PCDH15: variants seen among roughly 807,000 people sequenced by gnomAD.
PCDH15 encodes the protein protocadherin-15.
A neutral mutation model predicts 178.5 loss-of-function variants in PCDH15; 129 were observed. The ratio of observed to expected loss-of-function variants is 0.72; its 90% CI spans 0.63 to 0.84. PCDH15 has a LOEUF of 0.84. PCDH15 is among the 40% of genes least tolerant of loss of function. PCDH15 has a pLI of 0.00. For synonymous variants in PCDH15, 800 were observed against 732.0 expected (o/e 1.09, Z -1.50); for missense variants, 2,230 against 2,099.9 (o/e 1.06, Z -1.21).
At chr10:53,900,220 TC>T (rs1229827157) in intron 26 of PCDH15, among the ~76,000 whole-genome samples, 1 of 151,694 alleles carries the variant, frequency 6.6e-6, no homozygotes, top group African/African-American at 2.4e-5. Flanking sequence ...TCTCTCTCTC[TC>T]TCTCTCTCTC....
At chr10:54,822,244 C>G (rs1167362639) in intron 3 of PCDH15, among the ~76,000 whole-genome samples, 3 of 152,094 alleles carry the variant, frequency 2.0e-5, no homozygotes, top group South Asian at 2.1e-4. Context: ...GTGTCACTGT[C>G]CTATTCCTTT....
At chr10:54,990,993 G>C (rs1022073661) in intron 2 of PCDH15, among the ~76,000 whole-genome samples, 1 of 151,742 alleles carries the variant, frequency 6.6e-6, no homozygotes, top group Non-Finnish European at 1.5e-5. Flanking sequence ...CTAATTCCTA[G>C]TAATAATCAT....
chr10:54,421,816 G>GTATATA (rs71185272), intron 3 of PCDH15, among the ~76,000 whole-genome samples: 3 of 107,990 alleles, frequency 2.8e-5, no homozygotes, highest in Non-Finnish European at 5.4e-5. Context: ...TGTAGTGTGT[G>GTATATA]TATATATATA....
chr10:54,537,652 G>A (rs2084729956), intron 2 of PCDH15, among the ~76,000 whole-genome samples: 2 of 152,020 alleles, frequency 1.3e-5, no homozygotes, highest in African/African-American at 4.8e-5. Context: ...TTATCACATG[G>A]ACAAAATTAA....
At chr10:55,412,224 T>C (rs1589001471) in intron 2 of PCDH15, among the ~76,000 whole-genome samples, 2 of 152,014 alleles carry the variant, frequency 1.3e-5, no homozygotes. Flanking sequence ...TCTCACTGAA[T>C]GGAGGGGATT....
intron 2 of PCDH15, among the ~76,000 whole-genome samples, chr10:55,164,038 C>T (rs1001181593): frequency 4.6e-5 from 7 of 152,150 alleles, no homozygotes; most frequent in Non-Finnish European, 8.8e-5. Flanking sequence ...GGACCCCTTT[C>T]CGGTTACATA....
intron 7 of PCDH15, among the ~76,000 whole-genome samples, chr10:54,325,380 T>C (rs1424105892): frequency 6.6e-6 from 1 of 152,162 alleles, no homozygotes; most frequent in African/African-American, 2.4e-5. Context: ...CATATCTTAA[T>C]TCTCCTTATG....
chr10:55,048,816 T>G (rs1564747572), intron 2 of PCDH15, among the ~76,000 whole-genome samples: 2 of 152,008 alleles, frequency 1.3e-5, no homozygotes, highest in Admixed American at 1.3e-4. Flanking sequence ...AGCTTAATTT[T>G]TATTCATTTC....
chr10:53,932,679 G>A (rs753147171), intron 25 of PCDH15, among the ~76,000 whole-genome samples: 6 of 152,032 alleles, frequency 3.9e-5, no homozygotes, highest in East Asian at 3.9e-4. Context: ...ATTTTAATTC[G>A]CGTGACCATT....
At chr10:53,925,484 C>T (rs1396649819) in intron 25 of PCDH15, among the ~76,000 whole-genome samples, 2 of 152,148 alleles carry the variant, frequency 1.3e-5, no homozygotes, top group Non-Finnish European at 2.9e-5. Context: ...CGCGAGGGTC[C>T]GCGGCTTCAT....
chr10:55,335,074 T>C (rs990962286), intron 2 of PCDH15, among the ~76,000 whole-genome samples: 16 of 152,214 alleles, frequency 1.1e-4, no homozygotes, highest in African/African-American at 3.6e-4. Context: ...TCAAACATAG[T>C]TGTGCTTCTT....
chr10:54,125,976 C>T (rs1380034291), intron 15 of PCDH15, among the ~76,000 whole-genome samples: 1 of 151,978 alleles, frequency 6.6e-6, no homozygotes, highest in East Asian at 1.9e-4. Flanking sequence ...ATTTCAAATG[C>T]CCAGTACCTT....
At chr10:54,537,126 G>A (rs868329597) in intron 2 of PCDH15, among the ~76,000 whole-genome samples, 1 of 149,532 alleles carries the variant, frequency 6.7e-6, no homozygotes, top group Non-Finnish European at 1.5e-5. Flanking sequence ...AGCCTCCCGA[G>A]TAGCTGGGAC....
At chr10:54,815,122 T>C (rs1173902751) in intron 3 of PCDH15, among the ~76,000 whole-genome samples, 2 of 149,488 alleles carry the variant, frequency 1.3e-5, no homozygotes, top group Non-Finnish European at 3.0e-5. Context: ...TATATGTGGA[T>C]TTTTGTTCAA....
intron 2 of PCDH15, among the ~76,000 whole-genome samples, chr10:54,912,852 G>A (rs1954840784): frequency 6.6e-6 from 1 of 152,116 alleles, no homozygotes; most frequent in South Asian, 2.1e-4. Flanking sequence ...AGTCTCAGCT[G>A]AGGGGGTCTC....
intron 8 of PCDH15, among the ~76,000 whole-genome samples, chr10:54,250,267 CT>C (rs765895227): frequency 3.9e-3 from 324 of 84,074 alleles, no homozygotes; most frequent in African/African-American, 0.011. Context: ...TATGCTATTA[CT>C]TTTTTTTTTT....
chr10:55,124,534 T>C lies in PCDH15; in HGVS notation c.-80+42042A>G, dbSNP rs530023439. ...AATGGAAATTTTGACACTGATCATT[T>C]CTTCTTTCAACTTTGATCCTCTCCC... On this transcript the variant is annotated intron_variant, in intron 2 of 5. Coordinates refer to the PCDH15 transcript ENST00000458638. 2.2e-4 allele frequency among the ~76,000 whole-genome samples: 33 copies of C among 152,268 alleles called. No individual in the cohort carries two copies. In the South Asian group the frequency reaches 6.8e-3, roughly 32 times the overall value.
At chr10:53,821,029 T>C in intron 32 of PCDH15, 1 of 837,284 alleles carries the variant, frequency 1.2e-6, no homozygotes, top group Non-Finnish European at 1.4e-6. Context: ...AGATGATTAA[T>C]AATATGAACA....
intron 10 of PCDH15, among the ~76,000 whole-genome samples, chr10:54,213,147 C>T (rs766880998): frequency 3.3e-5 from 5 of 151,918 alleles, no homozygotes; most frequent in African/African-American, 9.7e-5. Context: ...GTACTATATA[C>T]AAAACTTATG....
Sources: gnomAD v4.1 joint callset for allele counts (sites outside exome capture counted in the v4.1 genomes callset) on GRCh38, gnomAD v4.1.1 for gene constraint, MANE v1.5 for transcripts, NCBI Gene and HGNC (gene_info 2026-07-23, HGNC 2026-07-21) for gene names.